SPMAP2L: variants seen among roughly 807,000 people sequenced by gnomAD.
SPMAP2L encodes sperm microtubule associated protein 2-like.
chr4:56,575,203 C>G, the SPMAP2L span, among the ~76,000 whole-genome samples: 1 of 150,988 alleles, frequency 6.6e-6, no homozygotes, highest in East Asian at 1.9e-4. Context: ...GAGCCAAGAT[C>G]GCACCACTGC....
At chr4:56,566,250 C>T in the SPMAP2L span, among the ~76,000 whole-genome samples, 1 of 152,050 alleles carries the variant, frequency 6.6e-6, no homozygotes, top group African/African-American at 2.4e-5. Flanking sequence ...CCAGGCTGGA[C>T]TGCAGTGGCA....
the SPMAP2L span, among the ~76,000 whole-genome samples, chr4:56,588,513 C>A: frequency 6.6e-6 from 1 of 151,464 alleles, no homozygotes; most frequent in Non-Finnish European, 1.5e-5. Flanking sequence ...CTCACTGCAA[C>A]CTCTGCCTTC....
the SPMAP2L span, chr4:56,594,335 A>C: frequency 6.6e-7 from 1 of 1,525,076 alleles, no homozygotes; most frequent in Non-Finnish European, 9.1e-7. Flanking sequence ...ATCCTGCACC[A>C]TGAAACTGAA....
the SPMAP2L span, among the ~76,000 whole-genome samples, chr4:56,605,295 C>T: frequency 6.6e-6 from 1 of 152,154 alleles, no homozygotes; most frequent in Non-Finnish European, 1.5e-5. Flanking sequence ...GTGCTTGGCA[C>T]TGGAGATAAC....
the SPMAP2L span, among the ~76,000 whole-genome samples, chr4:56,578,016 TA>T: frequency 2.6e-5 from 4 of 152,074 alleles, no homozygotes; most frequent in African/African-American, 9.7e-5. Flanking sequence ...CAAATCCAAA[TA>T]AAGGGCACAA....
At chr4:56,581,973 A>G in the SPMAP2L span, among the ~76,000 whole-genome samples, 3 of 152,230 alleles carry the variant, frequency 2.0e-5, no homozygotes. Flanking sequence ...ATTTGCATGC[A>G]AAAGAATGAT....
At chr4:56,594,380 G>T in the SPMAP2L span, 1 of 1,578,390 alleles carries the variant, frequency 6.3e-7, no homozygotes, top group East Asian at 2.2e-5. Flanking sequence ...CACATGGAAA[G>T]AATTTGCAAA....
the SPMAP2L span, among the ~76,000 whole-genome samples, chr4:56,542,249 T>G: frequency 1.3e-5 from 2 of 152,178 alleles, no homozygotes; most frequent in Non-Finnish European, 2.9e-5. Context: ...CTTCCCACAT[T>G]TTCCTGACTT....
the SPMAP2L span, among the ~76,000 whole-genome samples, chr4:56,545,885 T>C: frequency 1.3e-5 from 2 of 152,088 alleles, no homozygotes; most frequent in Admixed American, 6.5e-5. Flanking sequence ...TTCTGCCTCC[T>C]GGGTTCAAGC....
chr4:56,586,095 T>G, the SPMAP2L span, among the ~76,000 whole-genome samples: 1 of 152,144 alleles, frequency 6.6e-6, no homozygotes, highest in Non-Finnish European at 1.5e-5. Flanking sequence ...GGGCCTCAGC[T>G]GGGAAATCTG....
chr4:56,590,486 A>G, the SPMAP2L span, among the ~76,000 whole-genome samples: 1 of 152,246 alleles, frequency 6.6e-6, no homozygotes, highest in African/African-American at 2.4e-5. Flanking sequence ...TGCAGCTACC[A>G]TTTAAGAAAC....
the SPMAP2L span, among the ~76,000 whole-genome samples, chr4:56,568,589 C>T: frequency 5.3e-5 from 8 of 152,184 alleles, no homozygotes; most frequent in Middle Eastern, 3.4e-3. Context: ...CACTTTGGGA[C>T]GCTGAAGTGG....
At chr4:56,554,937 C>CTTTT in the SPMAP2L span, among the ~76,000 whole-genome samples, 13 of 93,406 alleles carry the variant, frequency 1.4e-4, no homozygotes, top group Non-Finnish European at 2.3e-4. Flanking sequence ...ACTATCATTT[C>CTTTT]TTTTTTTTTT....
the SPMAP2L span, chr4:56,595,330 G>A: frequency 1.7e-5 from 27 of 1,609,330 alleles, no homozygotes; most frequent in East Asian, 1.3e-4. Context: ...TGGATTTCAC[G>A]CCCCTATCAT....
the SPMAP2L span, among the ~76,000 whole-genome samples, chr4:56,606,482 CA>C: frequency 6.6e-6 from 1 of 152,020 alleles, no homozygotes; most frequent in African/African-American, 2.4e-5. Flanking sequence ...TGATATTTCC[CA>C]TATAGGTGCC....
chr4:56,604,845 A>T, the SPMAP2L span, among the ~76,000 whole-genome samples: 2 of 152,162 alleles, frequency 1.3e-5, no homozygotes, highest in Non-Finnish European at 1.5e-5. Context: ...AAATAATGGC[A>T]TTTGCAGCAA....
chr4:56,573,035 T>C, the SPMAP2L span, among the ~76,000 whole-genome samples: 44,650 of 148,956 alleles, frequency 0.3, 9,639 homozygotes, highest in African/African-American at 0.61. Flanking sequence ...AAAAAAAAAA[T>C]TTGAGTACCT....
At chr4:56,539,473 G>C in the SPMAP2L span, among the ~76,000 whole-genome samples, 2 of 152,276 alleles carry the variant, frequency 1.3e-5, no homozygotes, top group South Asian at 4.2e-4. Context: ...CAAGGCTGGA[G>C]TGCAATGGTG....
chr4:56,608,054 G>A, the SPMAP2L span, among the ~76,000 whole-genome samples: 1 of 150,982 alleles, frequency 6.6e-6, no homozygotes, highest in Non-Finnish European at 1.5e-5. Flanking sequence ...GGCCATTTTA[G>A]TGAAGTGTCA....
Sources: allele counts gnomAD v4.1 joint callset (sites outside exome capture counted in the v4.1 genomes callset), GRCh38; gene constraint gnomAD v4.1.1; transcripts MANE v1.5; gene names NCBI Gene and HGNC (gene_info 2026-07-23, HGNC 2026-07-21).